Variants in TP73 observed in about 807,000 individuals in gnomAD.
TP73 encodes p53-like transcription factor.
A neutral mutation model predicts 62.5 loss-of-function variants in TP73; 25 were observed. The observed-to-expected ratio is 0.40, with a 90% confidence interval of 0.29 to 0.56. TP73 has a LOEUF of 0.56. Among genes scored for constraint, TP73 ranks in the 20% least tolerant of loss-of-function variants. The pLI, the probability that TP73 is intolerant of heterozygous loss-of-function variation, is 0.46. For synonymous variants in TP73, 423 were observed against 377.5 expected (o/e 1.12, Z -1.40); for missense variants, 754 against 913.3 (o/e 0.83, Z 2.25).
intron 1 of TP73, among the ~76,000 whole-genome samples, chr1:3,681,085 C>T (rs994941034): frequency 2.6e-5 from 4 of 152,228 alleles, no homozygotes; most frequent in East Asian, 1.9e-4. Context: ...TCATGGCTCA[C>T]GGACCGCCCC....
At chr1:3,700,227 C>T (rs548010509) in intron 3 of TP73, among the ~76,000 whole-genome samples, 58 of 152,138 alleles carry the variant, frequency 3.8e-4, no homozygotes, top group African/African-American at 1.3e-3. Context: ...AGGAGTCAGC[C>T]AAAACCGTGG....
rs746304676 is a variant in TP73, at chr1:3,682,246, C to T, written c.-33-87C>T. ...TCCAGGGATGCCCCAGGCAGGCCCACTTGCCTGCCGCCCCCACCGAGGCTG... is the reference window on the plus strand; with the variant it reads ...TCCAGGGATGCCCCAGGCAGGCCCATTTGCCTGCCGCCCCCACCGAGGCTG... On this transcript the variant is annotated intron_variant, in intron 1 of 13. Transcript: ENST00000378295. 200 of 1,060,890 alleles carry T rather than the reference C, an allele frequency of 1.9e-4. No homozygotes were observed. In the Middle Eastern group the frequency reaches 2.1e-3, roughly 11 times the overall value. 65.7% of individuals were successfully genotyped at this position (1,060,890 alleles called of 1,614,324 possible).
rs1642088807 is a variant in TP73, at chr1:3,730,945, A to G, written c.1364A>G (p.Asn455Ser). ...CACCCAGGCCCCGGGATGCTCAACA[A>G]CCATGGCCACGCAGTGCCAGCCAAC... Reference protein sequence around the residue: ...LGPVGPGMLNNHGHAVPANGE... With the variant: ...LGPVGPGMLNSHGHAVPANGE... Residue 455 changes from asparagine (N) to serine (S), a missense_variant, in exon 12 of 14, where the codon AAC becomes AGC. Asn to Ser is a conservative substitution (Grantham distance 46, BLOSUM62 1). Coordinates refer to ENST00000378295, the MANE Select transcript of TP73 (RefSeq NM_005427.4). 1.2e-6 allele frequency: 2 copies of G among 1,608,504 alleles called. No homozygotes were observed. Among genetic ancestry groups the G allele is most frequent in the Admixed American group, 3.4e-5 (2 of 59,690 alleles).
intron 1 of TP73, among the ~76,000 whole-genome samples, chr1:3,655,899 C>T (rs548712455): frequency 1.9e-4 from 29 of 152,314 alleles, no homozygotes; most frequent in Middle Eastern, 6.8e-3. Context: ...TCTACTCAGC[C>T]GGGCGCAGTG....
At chr1:3,698,344 G>C (rs1033984428) in intron 3 of TP73, among the ~76,000 whole-genome samples, 1 of 152,222 alleles carries the variant, frequency 6.6e-6, no homozygotes. Context: ...GGACCAGCCC[G>C]TTTCCAGGTG....
At chr1:3,671,199 G>T (rs1182469485) in intron 1 of TP73, among the ~76,000 whole-genome samples, 1 of 152,206 alleles carries the variant, frequency 6.6e-6, no homozygotes, top group East Asian at 1.9e-4. Flanking sequence ...CTCAGGGATG[G>T]CAGGGGTGGG....
At chr1:3,698,386 C>T (rs1638855191) in intron 3 of TP73, among the ~76,000 whole-genome samples, 1 of 152,214 alleles carries the variant, frequency 6.6e-6, no homozygotes. Context: ...CTGTTGGCCA[C>T]CTGCCTCTCA....
chr1:3,677,360 G>T (rs1291744523), intron 1 of TP73, among the ~76,000 whole-genome samples: 1 of 152,172 alleles, frequency 6.6e-6, no homozygotes, highest in East Asian at 1.9e-4. Context: ...GACTTGGAAC[G>T]CTGGTCACCT....
chr1:3,704,026 TC>T (rs1361932128), intron 3 of TP73, among the ~76,000 whole-genome samples: 1 of 152,180 alleles, frequency 6.6e-6, no homozygotes, highest in African/African-American at 2.4e-5. Context: ...CCGGCTCATG[TC>T]CCACACTCAC....
chr1:3,727,750 A>G lies in TP73; in HGVS notation c.965A>G (p.Asn322Ser). 1 of 1,547,438 alleles carries G rather than the reference A, an allele frequency of 6.5e-7. No individual in the cohort carries two copies. Among genetic ancestry groups the G allele is most frequent in the Non-Finnish European group, 8.7e-7 (1 of 1,146,148 alleles). The change falls in exon 8 of 14, where the codon AAC (asparagine) becomes AGC (serine). Residue 322 changes from asparagine to serine, a missense_variant. Physicochemically the swap from Asn to Ser is conservative, Grantham distance 46. This residue lies in a region of TP73 where 458 missense variants were observed against 528.7 expected (regional missense o/e 0.87). Transcript: ENST00000378295. ...GCCCTGAACGAGAGCTCCGCCAAGA[A>G]CGGGGCCGCCAGCAAGCGTGGTGAG... Reference protein sequence around the residue: ...QQALNESSAKNGAASKRAFKQ... With the variant: ...QQALNESSAKSGAASKRAFKQ...
rs574765022 is a variant in TP73 at position 3,696,771 on chromosome 1, G to A, written c.187-10778G>A. 2.6e-4 allele frequency among the ~76,000 whole-genome samples: 39 copies of A among 152,240 alleles called. No individual in the cohort carries two copies. Among genetic ancestry groups the A allele is most frequent in the Middle Eastern group, 3.4e-3 (1 of 294 alleles). On this transcript the variant is annotated intron_variant, in intron 3 of 13. Transcript: ENST00000378295. The surrounding 1 kb of genome is among the most constrained non-coding windows in gnomAD (Gnocchi z 4.1). ...TGTGTCATGAAAGACCCCGAGCAGC[G>A]GTGGGGCTCAAGCCATGTGGGGCCA...
At chr1:3,682,469 G>A in intron 2 of TP73, 39 bp downstream of exon 2, 1 of 1,442,928 alleles carries the variant, frequency 6.9e-7, no homozygotes, top group East Asian at 2.7e-5. Flanking sequence ...GGGCCCCCCT[G>A]GGAGGCACTC....
At chr1:3,682,933 A>C in intron 2 of TP73, 127 bp from the exon 3 acceptor site, 42 of 1,245,910 alleles carry the variant, frequency 3.4e-5, no homozygotes, top group East Asian at 1.3e-4. Context: ...ATGAGAGGGA[A>C]TGGGAAGGGC....
At chr1:3,704,428 CA>C (rs2124369235) in intron 3 of TP73, among the ~76,000 whole-genome samples, 1 of 152,284 alleles carries the variant, frequency 6.6e-6, no homozygotes, top group South Asian at 2.1e-4. Flanking sequence ...CCACCGTATC[CA>C]GGGTCCTCGT....
intron 1 of TP73, among the ~76,000 whole-genome samples, chr1:3,678,349 C>A (rs906514232): frequency 6.6e-6 from 1 of 152,262 alleles, no homozygotes; most frequent in African/African-American, 2.4e-5. Context: ...CCCCCTGCCC[C>A]AGCGCAGCGT....
chr1:3,723,529 G>C, intron 6 of TP73, 60 bp downstream of exon 6: 27 of 796,096 alleles, frequency 3.4e-5, no homozygotes, highest in Non-Finnish European at 4.3e-5. Flanking sequence ...GTCGGGGGAG[G>C]GGTCCCCTGA....
At chr1:3,690,827 C>A in intron 3 of TP73, 1 of 1,544,054 alleles carries the variant, frequency 6.5e-7, no homozygotes, top group South Asian at 1.2e-5. Flanking sequence ...CGTGACCCTT[C>A]CCCTCGGGCC....
intron 6 of TP73, among the ~76,000 whole-genome samples, chr1:3,724,187 G>A (rs903395081): frequency 6.6e-6 from 1 of 152,114 alleles, no homozygotes; most frequent in Non-Finnish European, 1.5e-5. Flanking sequence ...GCTGGGGTAG[G>A]GGGAAACAGA....
intron 1 of TP73, among the ~76,000 whole-genome samples, chr1:3,656,208 G>A (rs1284777092): frequency 6.6e-6 from 1 of 152,048 alleles, no homozygotes; most frequent in Non-Finnish European, 1.5e-5. Flanking sequence ...CTGCTCATTG[G>A]CATTTGAGTG....
Sources: allele counts gnomAD v4.1 joint callset (sites outside exome capture counted in the v4.1 genomes callset), GRCh38; gene constraint gnomAD v4.1.1; regional missense constraint gnomAD v4.1.1; non-coding constraint Gnocchi (gnomAD v3.1); transcripts MANE v1.5; gene names NCBI Gene and HGNC (gene_info 2026-07-23, HGNC 2026-07-21).